SLC24A3: variants seen among roughly 807,000 people sequenced by gnomAD.
The protein encoded by SLC24A3 is sodium/potassium/calcium exchanger 3.
A neutral mutation model predicts 75.8 loss-of-function variants in SLC24A3; 28 were observed. The ratio of observed to expected loss-of-function variants is 0.37; its 90% CI spans 0.27 to 0.51. The LOEUF is 0.51. Ranked by LOEUF, SLC24A3 falls within the 20% of genes least tolerant of loss-of-function variation. The probability of loss-of-function intolerance (pLI) is 0.94; values close to 1 mark genes in which losing one functional copy is unlikely to be tolerated. For synonymous variants in SLC24A3, 372 were observed against 334.1 expected (o/e 1.11, Z -1.24); for missense variants, 663 against 847.8 (o/e 0.78, Z 2.71).
intron 6 of SLC24A3, among the ~76,000 whole-genome samples, chr20:19,600,202 A>G (rs548042890): frequency 6.6e-6 from 1 of 152,114 alleles, no homozygotes; most frequent in East Asian, 1.9e-4. Flanking sequence ...CCCCAGCTCC[A>G]GCTCCAGACC....
chr20:19,679,344 A>C (rs1351416806), intron 9 of SLC24A3, among the ~76,000 whole-genome samples: 2 of 152,246 alleles, frequency 1.3e-5, no homozygotes, highest in Admixed American at 6.5e-5. Flanking sequence ...CCACCAAAAA[A>C]ATACGAAAAC....
At chr20:19,437,143 A>T (rs765683184) in intron 2 of SLC24A3, among the ~76,000 whole-genome samples, 1 of 152,168 alleles carries the variant, frequency 6.6e-6, no homozygotes, top group Non-Finnish European at 1.5e-5. Context: ...GATACATAAG[A>T]GGAAAGACAT....
chr20:19,667,363 C>G (rs1391821823), intron 8 of SLC24A3, among the ~76,000 whole-genome samples: 1 of 152,308 alleles, frequency 6.6e-6, no homozygotes, highest in East Asian at 1.9e-4. Context: ...CTTGTTATAT[C>G]ATCCTGGAGG....
chr20:19,523,933 T>A (rs2030149498), intron 3 of SLC24A3, among the ~76,000 whole-genome samples: 1 of 152,166 alleles, frequency 6.6e-6, no homozygotes, highest in Non-Finnish European at 1.5e-5. Flanking sequence ...CCTCACATCC[T>A]ATTCTACCTG....
At chr20:19,216,881 A>C (rs1981574934) in intron 1 of SLC24A3, among the ~76,000 whole-genome samples, 1 of 152,174 alleles carries the variant, frequency 6.6e-6, no homozygotes, top group Non-Finnish European at 1.5e-5. Context: ...GCTCCACTAC[A>C]TCTGGTACCT....
At chr20:19,629,842 A>G (rs1235037037) in intron 6 of SLC24A3, among the ~76,000 whole-genome samples, 1 of 152,246 alleles carries the variant, frequency 6.6e-6, no homozygotes. Context: ...ATTTTCTCAG[A>G]TAAATAAAAG....
intron 9 of SLC24A3, among the ~76,000 whole-genome samples, chr20:19,677,695 T>C (rs531008990): frequency 4.6e-5 from 7 of 150,634 alleles, no homozygotes; most frequent in East Asian, 3.9e-4. Flanking sequence ...TCTTTTTTTT[T>C]TTTTTTTTTT....
chr20:19,595,538 G>A (rs1425129419), intron 6 of SLC24A3, among the ~76,000 whole-genome samples: 4 of 152,176 alleles, frequency 2.6e-5, no homozygotes, highest in Non-Finnish European at 5.9e-5. Context: ...CAAAGACAAG[G>A]TGAGTTGAAA....
At chr20:19,597,715 ATCT>A (rs1483626034) in intron 6 of SLC24A3, among the ~76,000 whole-genome samples, 1 of 151,904 alleles carries the variant, frequency 6.6e-6, no homozygotes, top group East Asian at 1.9e-4. Context: ...ACCTCTCTTC[ATCT>A]CCCCTCACCC....
chr20:19,271,285 T>TGATACTACCTTACTCCTGCAAGAATGGCC (rs1983322344), intron 1 of SLC24A3, among the ~76,000 whole-genome samples: 1 of 151,524 alleles, frequency 6.6e-6, no homozygotes, highest in Non-Finnish European at 1.5e-5. Flanking sequence ...ACCCACAGTG[T>TGATACTACCTTACTCCTGCAAGAATGGCC]GATACTACCT....
At chr20:19,684,838 G>A (rs1351040381) in intron 11 of SLC24A3, among the ~76,000 whole-genome samples, 1 of 152,184 alleles carries the variant, frequency 6.6e-6, no homozygotes, top group East Asian at 1.9e-4. Flanking sequence ...TGCACAGAGT[G>A]TCAAGGAACT....
intron 3 of SLC24A3, among the ~76,000 whole-genome samples, chr20:19,536,659 G>T (rs936367930): frequency 6.6e-6 from 1 of 152,144 alleles, no homozygotes; most frequent in Non-Finnish European, 1.5e-5. Context: ...AACAGCATGG[G>T]ACTGGTACCA....
intron 2 of SLC24A3, among the ~76,000 whole-genome samples, chr20:19,447,145 C>A (rs1883697): frequency 0.018 from 2,698 of 152,288 alleles, 73 homozygotes; most frequent in East Asian, 0.1. Context: ...TTCATTTGAT[C>A]TCCTTGAGCC....
intron 2 of SLC24A3, among the ~76,000 whole-genome samples, chr20:19,397,617 A>T (rs888234902): frequency 6.0e-5 from 9 of 151,008 alleles, no homozygotes; most frequent in Non-Finnish European, 1.2e-4. Context: ...TGTGGTTATA[A>T]AGGAAAAGGT....
intron 6 of SLC24A3, among the ~76,000 whole-genome samples, chr20:19,645,418 T>TC (rs1338975706): frequency 1.3e-5 from 2 of 152,162 alleles, no homozygotes; most frequent in African/African-American, 2.4e-5. Flanking sequence ...CCTGCAAGGC[T>TC]CAGCTATATA....
intron 2 of SLC24A3, among the ~76,000 whole-genome samples, chr20:19,306,871 A>G (rs1568584829): frequency 1.3e-5 from 2 of 151,774 alleles, no homozygotes; most frequent in Non-Finnish European, 2.9e-5. Context: ...TTAAAAAACA[A>G]AAACAAACAA....
At chr20:19,325,995 C>G (rs936107875) in intron 2 of SLC24A3, among the ~76,000 whole-genome samples, 2 of 151,796 alleles carry the variant, frequency 1.3e-5, no homozygotes, top group Non-Finnish European at 2.9e-5. Flanking sequence ...CACATGAGGT[C>G]AGGTGTGGTA....
At chr20:19,346,728 A>G (rs1026628519) in intron 2 of SLC24A3, among the ~76,000 whole-genome samples, 4 of 152,112 alleles carry the variant, frequency 2.6e-5, no homozygotes, top group African/African-American at 9.7e-5. Context: ...AAGACTACAC[A>G]TTGGATACGG....
intron 8 of SLC24A3, among the ~76,000 whole-genome samples, chr20:19,667,165 T>C (rs1414576385): frequency 6.6e-6 from 1 of 152,184 alleles, no homozygotes; most frequent in Non-Finnish European, 1.5e-5. Context: ...GGAGAACCCA[T>C]CACATTGATG....
Sources: gnomAD v4.1 joint callset for allele counts (sites outside exome capture counted in the v4.1 genomes callset) on GRCh38, gnomAD v4.1.1 for gene constraint, MANE v1.5 for transcripts, NCBI Gene and HGNC (gene_info 2026-07-23, HGNC 2026-07-21) for gene names.